ZNF385B: variants seen among roughly 807,000 people sequenced by gnomAD.
ZNF385B encodes zinc finger protein 385B.
ZNF385B carries 23 observed loss-of-function variants against 39.2 expected under a neutral mutation model. The observed-to-expected ratio is 0.59, with a 90% CI of 0.42 to 0.83. The LOEUF is 0.83. Ranked by LOEUF, ZNF385B falls within the 40% of genes least tolerant of loss-of-function variation. The pLI is 0.00. For missense variants in ZNF385B, 552 were observed against 598.9 expected (o/e 0.92, Z 0.82); for synonymous variants, 205 against 222.6 (o/e 0.92, Z 0.70).
At chr2:179,832,266 A>G (rs991841901) in intron 1 of ZNF385B, among the ~76,000 whole-genome samples, 3 of 152,152 alleles carry the variant, frequency 2.0e-5, no homozygotes, top group Admixed American at 2.0e-4. Context: ...TATTCCTTGA[A>G]GTTCCCTACG....
chr2:179,539,301 G>A (rs1209878650), intron 4 of ZNF385B, among the ~76,000 whole-genome samples: 1 of 151,974 alleles, frequency 6.6e-6, no homozygotes, highest in Non-Finnish European at 1.5e-5. Context: ...CCATCATGAG[G>A]GCCCCACCCT....
At chr2:179,803,667 A>C (rs1706173080) in intron 1 of ZNF385B, among the ~76,000 whole-genome samples, 1 of 152,172 alleles carries the variant, frequency 6.6e-6, no homozygotes, top group South Asian at 2.1e-4. Flanking sequence ...CAGAACAATC[A>C]ATCAGCAAAT....
chr2:179,749,583 G>T (rs1161278622), intron 3 of ZNF385B, among the ~76,000 whole-genome samples: 3 of 152,094 alleles, frequency 2.0e-5, no homozygotes, highest in African/African-American at 7.2e-5. Context: ...TCTGTGTGAA[G>T]AAAGCTGGTC....
At chr2:179,719,888 G>T (rs111897048) in intron 3 of ZNF385B, among the ~76,000 whole-genome samples, 16 of 152,118 alleles carry the variant, frequency 1.1e-4, no homozygotes, top group Non-Finnish European at 2.1e-4. Flanking sequence ...CCAAGTCCCC[G>T]CAAGGTATAC....
intron 1 of ZNF385B, among the ~76,000 whole-genome samples, chr2:179,823,635 C>A (rs1707523609): frequency 6.6e-6 from 1 of 151,852 alleles, no homozygotes; most frequent in Admixed American, 6.6e-5. Context: ...TAATAAAATC[C>A]TGTAGGATGA....
chr2:179,518,058 C>T (rs767697631), intron 5 of ZNF385B, among the ~76,000 whole-genome samples: 3 of 152,012 alleles, frequency 2.0e-5, no homozygotes, highest in Non-Finnish European at 2.9e-5. Context: ...TTTAAAATCT[C>T]TTCATTGCAT....
intron 1 of ZNF385B, among the ~76,000 whole-genome samples, chr2:179,855,776 A>G (rs1684545265): frequency 6.6e-6 from 1 of 152,198 alleles, no homozygotes. Flanking sequence ...ATGGTGATAA[A>G]CAGCTACTAC....
At chr2:179,751,130 A>G (rs1369840273) in intron 3 of ZNF385B, among the ~76,000 whole-genome samples, 2 of 152,000 alleles carry the variant, frequency 1.3e-5, no homozygotes, top group Non-Finnish European at 2.9e-5. Context: ...CCTGAAAACT[A>G]AAGAAAGATC....
At chr2:179,455,882 A>G in intron 6 of ZNF385B, among the ~76,000 whole-genome samples, 1 of 23,726 alleles carries the variant, frequency 4.2e-5, no homozygotes, top group East Asian at 0.013. Context: ...TGCATCTCAA[A>G]AAAAAAAAAA....
At chr2:179,490,338 CAT>C (rs1262252304) in intron 5 of ZNF385B, among the ~76,000 whole-genome samples, 4 of 148,274 alleles carry the variant, frequency 2.7e-5, no homozygotes, top group African/African-American at 4.9e-5. Flanking sequence ...CACACACACA[CAT>C]ATATATGTTC....
chr2:179,803,986 T>G (rs941954095), intron 1 of ZNF385B, among the ~76,000 whole-genome samples: 1 of 152,192 alleles, frequency 6.6e-6, no homozygotes, highest in Non-Finnish European at 1.5e-5. Flanking sequence ...GAGACAGAAA[T>G]GGGTTCAAGA....
At chr2:179,650,099 A>G (rs1488290992) in intron 3 of ZNF385B, among the ~76,000 whole-genome samples, 2 of 152,214 alleles carry the variant, frequency 1.3e-5, no homozygotes, top group East Asian at 3.8e-4. Flanking sequence ...CCAGTACCTC[A>G]TATACATAGC....
intron 1 of ZNF385B, among the ~76,000 whole-genome samples, chr2:179,817,392 CA>C (rs1445360782): frequency 1.3e-5 from 2 of 152,186 alleles, no homozygotes; most frequent in African/African-American, 4.8e-5. Context: ...TGTAATCTCT[CA>C]ACTTTCACTT....
intron 1 of ZNF385B, among the ~76,000 whole-genome samples, chr2:179,851,125 C>T (rs1445084869): frequency 1.3e-5 from 2 of 152,162 alleles, no homozygotes; most frequent in Non-Finnish European, 2.9e-5. Context: ...CCAATCTCTT[C>T]AGTTACCATT....
At chr2:179,786,547 G>C (rs1330946934) in intron 1 of ZNF385B, among the ~76,000 whole-genome samples, 1 of 152,012 alleles carries the variant, frequency 6.6e-6, no homozygotes, top group Non-Finnish European at 1.5e-5. Context: ...AAGAACACGG[G>C]TAAGACTAGA....
At chr2:179,769,943 A>G (rs1703919877) in intron 2 of ZNF385B, 141 bp from the exon 3 acceptor site, 1 of 742,584 alleles carries the variant, frequency 1.3e-6, no homozygotes, top group Admixed American at 2.9e-5. Flanking sequence ...AAAAATCATC[A>G]AAAGTACCTA....
chr2:179,801,819 T>C (rs1273323627), intron 1 of ZNF385B, among the ~76,000 whole-genome samples: 1 of 152,084 alleles, frequency 6.6e-6, no homozygotes, highest in Admixed American at 6.6e-5. Context: ...AAAGTTGCAA[T>C]ATACAAAATT....
At chr2:179,835,033 A>C (rs1374149261) in intron 1 of ZNF385B, among the ~76,000 whole-genome samples, 1 of 152,212 alleles carries the variant, frequency 6.6e-6, no homozygotes, top group Non-Finnish European at 1.5e-5. Context: ...GAGACTAAAG[A>C]AATAGGACAA....
chr2:179,838,715 C>T (rs1708383151), intron 1 of ZNF385B, among the ~76,000 whole-genome samples: 1 of 152,006 alleles, frequency 6.6e-6, no homozygotes. Context: ...AACAAGAATA[C>T]TGGAAGCTTC....
Sources: allele counts gnomAD v4.1 joint callset (sites outside exome capture counted in the v4.1 genomes callset), GRCh38; gene constraint gnomAD v4.1.1; transcripts MANE v1.5; gene names NCBI Gene and HGNC (gene_info 2026-07-23, HGNC 2026-07-21).